Variants in GPC5 observed in about 807,000 individuals in gnomAD.
GPC5 encodes glypican-5.
Under a neutral mutation model 53.9 loss-of-function variants are expected in GPC5, and 47 were observed. That is an observed-to-expected ratio of 0.87 (90% CI 0.69 to 1.11). The LOEUF (loss-of-function observed/expected upper bound fraction) is 1.11, where lower values mean the gene tolerates loss of function less well. GPC5 is among the 50% of genes most tolerant of loss of function. The probability of loss-of-function intolerance (pLI) is 0.00; values close to 1 mark genes in which losing one functional copy is unlikely to be tolerated. For missense variants in GPC5, 748 were observed against 713.1 expected (o/e 1.05, Z -0.56); for synonymous variants, 286 against 263.3 (o/e 1.09, Z -0.84).
At chr13:92,545,398 A>G (rs1359551278) in intron 7 of GPC5, among the ~76,000 whole-genome samples, 1 of 152,182 alleles carries the variant, frequency 6.6e-6, no homozygotes, top group Non-Finnish European at 1.5e-5. Context: ...ATGTGTCTTT[A>G]TAGCAGCATG....
chr13:91,543,070 A>T (rs535588653), intron 2 of GPC5, among the ~76,000 whole-genome samples: 1 of 151,914 alleles, frequency 6.6e-6, no homozygotes, highest in Non-Finnish European at 1.5e-5. Context: ...GTTAGCCAGG[A>T]TGGTCTTGAC....
chr13:92,458,312 C>T (rs1223030898), intron 7 of GPC5, among the ~76,000 whole-genome samples: 1 of 63,920 alleles, frequency 1.6e-5, no homozygotes, highest in Non-Finnish European at 3.0e-5. Flanking sequence ...TTGGGGGGGG[C>T]AGGGTGGGGG....
intron 2 of GPC5, chr13:91,486,643 A>C (rs1883622806): frequency 1.3e-5 from 2 of 152,198 alleles, no homozygotes; most frequent in Admixed American, 1.3e-4. Context: ...AGGCAGGATA[A>C]ACCTTGCTCA....
intron 2 of GPC5, among the ~76,000 whole-genome samples, chr13:91,565,447 C>T (rs1035256193): frequency 6.6e-6 from 1 of 152,140 alleles, no homozygotes; most frequent in Admixed American, 6.5e-5. Flanking sequence ...GTTAGGCAGA[C>T]ATCGGATAAT....
rs145072883 is a variant in GPC5, at chr13:91,924,384, A to T, written c.1401+16327A>T. 8.7e-3 allele frequency among the ~76,000 whole-genome samples: 1,332 copies of T among 152,250 alleles called. 10 individuals are homozygous for T. Among genetic ancestry groups the T allele is most frequent in the South Asian group, 0.015 (73 of 4,832 alleles). On this transcript the variant is annotated intron_variant, in intron 6 of 7. Coordinates refer to ENST00000377067, the MANE Select transcript of GPC5 (RefSeq NM_004466.6). ...CATAATAGATTTTTCATGCTTCTGC[A>T]CTAATTCATTAAAGGACAATGTTTT...
At chr13:91,600,689 A>G (rs78625901) in intron 2 of GPC5, among the ~76,000 whole-genome samples, 5,087 of 152,168 alleles carry the variant, frequency 0.033, 118 homozygotes, top group Non-Finnish European at 0.056. Context: ...GCTCACTGTT[A>G]TGTTAGGTTT....
intron 5 of GPC5, among the ~76,000 whole-genome samples, chr13:91,818,664 G>A (rs2138824981): frequency 6.6e-6 from 1 of 152,308 alleles, no homozygotes; most frequent in Non-Finnish European, 1.5e-5. Context: ...GCAAGTACTA[G>A]CAAGTTCTGT....
rs188198332 is a variant in GPC5 at position 91,523,086 on chromosome 13, A to C, written c.325+74164A>C. ...GGATGGCGATTATAAAAAAGACAAA[A>C]GATAACAAGTGTTGGCCAGGAGATG... On this transcript the variant is annotated intron_variant, in intron 2 of 7. Transcript: ENST00000377067. 5.3e-4 allele frequency among the ~76,000 whole-genome samples: 81 copies of C among 152,344 alleles called. 2 individuals carry two copies. The East Asian group carries it at 0.014, about 26-fold the overall frequency.
At chr13:92,447,323 T>G (rs1159318933) in intron 7 of GPC5, 1 of 152,132 alleles carries the variant, frequency 6.6e-6, no homozygotes, top group Non-Finnish European at 1.5e-5. Context: ...TGTTGAGAGA[T>G]AGAAGTCTAG....
intron 7 of GPC5, among the ~76,000 whole-genome samples, chr13:92,520,711 A>T (rs569998723): frequency 6.6e-6 from 1 of 152,256 alleles, no homozygotes; most frequent in Admixed American, 6.5e-5. Context: ...TTCCCTTGGA[A>T]AACTGGCACA....
rs557734566 is a variant in GPC5 at position 92,541,472 on chromosome 13, T to C, written c.1562-324810T>C. On this transcript the variant is annotated intron_variant, in intron 7 of 7. Transcript: ENST00000377067. The stretch of plus-strand genomic sequence containing the variant: ...TAATTTGCATGTTCCTTTCTTTGTG[T>C]TGTGCCTGTTAAATTCTTTTTACTC... Among the ~76,000 whole-genome samples, 5 of 152,014 alleles carry C rather than the reference T, an allele frequency of 3.3e-5. No homozygotes were observed. In the South Asian group the frequency reaches 1.0e-3, roughly 31 times the overall value.
intron 2 of GPC5, among the ~76,000 whole-genome samples, chr13:91,631,056 T>C (rs2034145711): frequency 6.6e-6 from 1 of 152,090 alleles, no homozygotes; most frequent in Non-Finnish European, 1.5e-5. Context: ...AGGGGACCTG[T>C]TTATTGGAAT....
In GPC5 at chr13:91,435,993, C is replaced by G. The variant is rs370689580; in HGVS notation, c.164-12768C>G. On this transcript the variant is annotated intron_variant, in intron 1 of 7. Coordinates refer to ENST00000377067, the MANE Select transcript of GPC5 (RefSeq NM_004466.6). ...TTTGCGTAGAGGTGTTTATAGTATTCTCTGATGGTAGTTTGTATTTCTGTG... is the reference window on the plus strand; with the variant it reads ...TTTGCGTAGAGGTGTTTATAGTATTGTCTGATGGTAGTTTGTATTTCTGTG... Among the ~76,000 whole-genome samples the G allele has an allele frequency of 5.3e-4, 81 of 152,306 alleles. 3 individuals carry two copies. The East Asian group carries it at 0.013, about 24-fold the overall frequency.
chr13:92,096,269 A>G (rs939295528), intron 6 of GPC5, among the ~76,000 whole-genome samples: 1 of 152,208 alleles, frequency 6.6e-6, no homozygotes, highest in Admixed American at 6.5e-5. Flanking sequence ...GTTTTCCTAT[A>G]ACTATCTCTG....
chr13:92,450,297 A>C (rs1594212563), intron 7 of GPC5, among the ~76,000 whole-genome samples: 2 of 152,352 alleles, frequency 1.3e-5, no homozygotes, highest in East Asian at 3.9e-4. Context: ...AGATTGATGC[A>C]GATTTTGGAA....
chr13:91,646,660 T>C (rs1186970396), intron 2 of GPC5, among the ~76,000 whole-genome samples: 4 of 152,144 alleles, frequency 2.6e-5, no homozygotes, highest in Non-Finnish European at 4.4e-5. Context: ...AGGTAGGTAA[T>C]CTGATACATA....
At chr13:92,778,041 G>C (rs1274107362) in intron 7 of GPC5, among the ~76,000 whole-genome samples, 1 of 152,108 alleles carries the variant, frequency 6.6e-6, no homozygotes, top group East Asian at 1.9e-4. Flanking sequence ...TAAACTATTG[G>C]GATGCTTAAA....
chr13:91,889,109 G>A (rs1416864024), intron 5 of GPC5, among the ~76,000 whole-genome samples: 3 of 152,118 alleles, frequency 2.0e-5, no homozygotes, highest in Admixed American at 1.3e-4. Context: ...ACATCTATTT[G>A]TTTGTTTGTT....
intron 2 of GPC5, among the ~76,000 whole-genome samples, chr13:91,524,912 G>A (rs1018134866): frequency 2.6e-5 from 4 of 152,118 alleles, no homozygotes; most frequent in African/African-American, 9.7e-5. Context: ...ACCACATTAT[G>A]TATTTATCTT....
Sources: gnomAD v4.1 joint callset for allele counts (sites outside exome capture counted in the v4.1 genomes callset) on GRCh38, gnomAD v4.1.1 for gene constraint, MANE v1.5 for transcripts, NCBI Gene and HGNC (gene_info 2026-07-23, HGNC 2026-07-21) for gene names.